The following CPA6 variants were observed in gnomAD, a reference collection of about 807,000 sequenced individuals.
The protein encoded by CPA6 is carboxypeptidase B.
CPA6 carries 58 observed loss-of-function variants against 63.3 expected under a neutral mutation model. That is an observed-to-expected ratio of 0.92 (90% CI 0.74 to 1.14). The LOEUF (loss-of-function observed/expected upper bound fraction) is 1.14. Ranked by LOEUF, CPA6 falls within the 50% of genes most tolerant of loss-of-function variation. The pLI is 0.00. For synonymous variants in CPA6, 185 were observed against 179.0 expected, an observed-to-expected ratio of 1.03 and a Z score of -0.27; for missense variants, 565 against 526.6, an observed-to-expected ratio of 1.07 and a Z score of -0.71.
Position 67,461,803 on chromosome 8 carries a change from TGGCCGG to T in CPA6, c.838+21959_838+21964del, listed in dbSNP as rs1327335298. Among the ~76,000 whole-genome samples the T allele has an allele frequency of 5.5e-4, 83 of 152,164 alleles. 1 individual carries two copies. The highest frequency in any genetic ancestry group is 2.8e-3 in the Admixed American group (43 of 15,294). ...CCCCTCACCTCCCGGACGGGGCGGC[TGGCCGG>T]GCGGGGGGCTGACCCCCCCACCTCC... On this transcript the variant is annotated intron_variant, in intron 8 of 10. Coordinates refer to ENST00000297770, the MANE Select transcript of CPA6 (RefSeq NM_020361.5).
chr8:67,607,489 T>C (rs1372249087), intron 2 of CPA6, among the ~76,000 whole-genome samples: 2 of 152,004 alleles, frequency 1.3e-5, no homozygotes, highest in Non-Finnish European at 2.9e-5. Flanking sequence ...GTGTTTGGGA[T>C]CTAGAATCAG....
At chr8:67,639,054 C>T (rs983198555) in intron 1 of CPA6, among the ~76,000 whole-genome samples, 2 of 151,544 alleles carry the variant, frequency 1.3e-5, no homozygotes, top group Non-Finnish European at 2.9e-5. Flanking sequence ...AATAAGCCAA[C>T]AAGAGCAAAA....
chr8:67,625,250 A>C (rs1815170491), intron 1 of CPA6, among the ~76,000 whole-genome samples: 1 of 152,200 alleles, frequency 6.6e-6, no homozygotes, highest in Admixed American at 6.5e-5. Context: ...TCAATCTTTA[A>C]GACCAGAAGA....
chr8:67,490,281 C>T (rs899871405), intron 6 of CPA6, among the ~76,000 whole-genome samples: 1 of 152,114 alleles, frequency 6.6e-6, no homozygotes, highest in Non-Finnish European at 1.5e-5. Flanking sequence ...TGCTTTTCTT[C>T]TAATGTGTAG....
At chr8:67,700,401 C>A (rs1252414117) in intron 1 of CPA6, among the ~76,000 whole-genome samples, 1 of 152,184 alleles carries the variant, frequency 6.6e-6, no homozygotes, top group African/African-American at 2.4e-5. Flanking sequence ...ATCAATACAG[C>A]CATTTTCTCC....
chr8:67,661,699 C>G (rs568765580), intron 1 of CPA6, among the ~76,000 whole-genome samples: 1 of 152,254 alleles, frequency 6.6e-6, no homozygotes, highest in East Asian at 1.9e-4. Context: ...TGTTCTAGAA[C>G]TTTTTGAGAA....
At chr8:67,689,410 C>A (rs183912858) in intron 1 of CPA6, among the ~76,000 whole-genome samples, 35 of 152,214 alleles carry the variant, frequency 2.3e-4, no homozygotes, top group Admixed American at 2.2e-3. Flanking sequence ...CAACAGGTAG[C>A]TTTTCAGCCC....
chr8:67,508,581 G>C (rs980984927), intron 5 of CPA6, among the ~76,000 whole-genome samples: 7 of 152,266 alleles, frequency 4.6e-5, no homozygotes, highest in Admixed American at 3.3e-4. Context: ...AGGATAAGGG[G>C]AAAGGAGGCA....
chr8:67,704,419 C>A (rs1289275130), intron 1 of CPA6, among the ~76,000 whole-genome samples: 11 of 152,190 alleles, frequency 7.2e-5, no homozygotes, highest in Non-Finnish European at 4.4e-5. Flanking sequence ...AAGAGAGAAT[C>A]ATTTTGTGCT....
chr8:67,474,312 C>G (rs911509884), intron 8 of CPA6, among the ~76,000 whole-genome samples: 2 of 152,118 alleles, frequency 1.3e-5, no homozygotes, highest in Non-Finnish European at 2.9e-5. Flanking sequence ...ACCTCCACCT[C>G]CCGGATTCAA....
chr8:67,554,697 G>C (rs1017005435), intron 2 of CPA6, among the ~76,000 whole-genome samples: 1 of 152,206 alleles, frequency 6.6e-6, no homozygotes, highest in Non-Finnish European at 1.5e-5. Context: ...AGGCCTGAGA[G>C]CCTGGGGGCT....
At chr8:67,722,980 T>G (rs1227599368) in intron 1 of CPA6, among the ~76,000 whole-genome samples, 1 of 151,502 alleles carries the variant, frequency 6.6e-6, no homozygotes, top group Middle Eastern at 3.2e-3. Context: ...AAACATACAC[T>G]AAAACATCCC....
intron 1 of CPA6, among the ~76,000 whole-genome samples, chr8:67,646,840 A>C (rs754715464): frequency 1.3e-5 from 2 of 152,220 alleles, no homozygotes; most frequent in African/African-American, 4.8e-5. Context: ...GTTTGAGGAC[A>C]GGAAGACAGT....
rs4009129 is a variant in CPA6, at chr8:67,648,258, GTTT to G, written c.117-24010_117-24008del. On this transcript the variant is annotated intron_variant, in intron 1 of 10. Transcript: ENST00000297770. ...ATAGTATTCAAATTTCCTAGATTAG[GTTT>G]TTTTTTTTTTTTTTTTTGCTAGACC... Among the ~76,000 whole-genome samples, 88 of 113,892 alleles carry G rather than the reference GTTT, an allele frequency of 7.7e-4. 1 individual carries two copies. The highest frequency in any genetic ancestry group is 5.8e-3 in the Admixed American group (64 of 11,022). 74.7% of individuals were successfully genotyped at this position (113,892 alleles called of 152,430 possible).
At chr8:67,476,094 A>C (rs901195456) in intron 8 of CPA6, among the ~76,000 whole-genome samples, 2 of 150,812 alleles carry the variant, frequency 1.3e-5, no homozygotes, top group Non-Finnish European at 2.9e-5. Context: ...GGCTCACGGC[A>C]ACCGTTCAAG....
chr8:67,678,158 G>A (rs1276384908), intron 1 of CPA6, among the ~76,000 whole-genome samples: 1 of 150,858 alleles, frequency 6.6e-6, no homozygotes, highest in Non-Finnish European at 1.5e-5. Flanking sequence ...AGCCTGGGAG[G>A]CAGAGGTTGC....
At chr8:67,681,193 A>T (rs902847036) in intron 1 of CPA6, among the ~76,000 whole-genome samples, 1 of 125,314 alleles carries the variant, frequency 8.0e-6, no homozygotes, top group Non-Finnish European at 1.6e-5. Flanking sequence ...AAGGTCACAA[A>T]GATTTTCTTT....
chr8:67,694,472 C>T (rs979623969), intron 1 of CPA6, among the ~76,000 whole-genome samples: 43 of 152,266 alleles, frequency 2.8e-4, no homozygotes, highest in African/African-American at 9.6e-4. Flanking sequence ...TCTGACCCAC[C>T]AAGCCGTAAA....
At chr8:67,446,031 G>A (rs1810403590) in intron 8 of CPA6, among the ~76,000 whole-genome samples, 2 of 152,146 alleles carry the variant, frequency 1.3e-5, no homozygotes, top group Non-Finnish European at 2.9e-5. Context: ...TTGGGAGGCC[G>A]GGGCGGGCGG....
Sources: allele counts gnomAD v4.1 joint callset (sites outside exome capture counted in the v4.1 genomes callset), GRCh38; gene constraint gnomAD v4.1.1; transcripts MANE v1.5; gene names NCBI Gene and HGNC (gene_info 2026-07-23, HGNC 2026-07-21).